Variants in TTC19 observed in about 807,000 individuals in gnomAD.
TTC19 encodes tetratricopeptide repeat domain 19, also known as tetratricopeptide repeat protein 19, mitochondrial.
TTC19 carries 38 observed loss-of-function variants against 49.5 expected under a neutral mutation model. The ratio of observed to expected loss-of-function variants is 0.77; its 90% CI spans 0.59 to 1.01. The LOEUF (loss-of-function observed/expected upper bound fraction) is 1.01. Among genes scored for constraint, TTC19 ranks in the 50% least tolerant of loss-of-function variants. The pLI, the probability that TTC19 is intolerant of heterozygous loss-of-function variation, is 0.00. For missense variants in TTC19, 475 were observed against 477.7 expected (o/e 0.99, Z 0.05); for synonymous variants, 204 against 185.2 (o/e 1.10, Z -0.83).
At chr17:16,025,309 A>G (rs945554055) in intron 8 of TTC19, 138 bp downstream of exon 8, 3 of 889,732 alleles carry the variant, frequency 3.4e-6, no homozygotes, top group Non-Finnish European at 5.3e-6. Context: ...TCATTTTCTT[A>G]TCACCAGCAC....
chr17:16,029,480 A>G, downstream of TTC19: 1 of 274,154 alleles, frequency 3.6e-6, no homozygotes, highest in East Asian at 9.3e-5. Context: ...TAAAAGCATT[A>G]TGAAATTTGC....
intron 2 of TTC19, among the ~76,000 whole-genome samples, chr17:16,036,140 T>C (rs2056315904): frequency 1.3e-5 from 2 of 152,354 alleles, no homozygotes. Flanking sequence ...CCTTGATCCA[T>C]GGGCTTCAGA....
Position 16,028,807 on chromosome 17 carries a change from T to C in TTC19, c.*1285T>C. Reference sequence around the variant, plus strand: ...CAATATTGTATGTATCCCAGTAATCTTTGCATTTCTCAAAAAAAAAAAAAA... The same window carrying C: ...CAATATTGTATGTATCCCAGTAATCCTTGCATTTCTCAAAAAAAAAAAAAA... On this transcript the variant is annotated 3_prime_UTR_variant, in exon 10 of 10. Transcript: ENST00000261647. 1 of 297,108 alleles carries C rather than the reference T, an allele frequency of 3.4e-6. No individual in the cohort carries two copies. The highest frequency in any genetic ancestry group is 2.2e-5 in the South Asian group (1 of 46,378). The allele number at this position is 297,108 out of a possible 1,614,324, so 18.4% of individuals were successfully genotyped here.
At position 16,001,990 on chromosome 17, in the gene TTC19, G is replaced by A. The variant is rs978119611; in HGVS notation, c.388G>A (p.Asp130Asn). Residue 130 changes from aspartate to asparagine, a missense_variant, in exon 3 of 10, where the codon GAT becomes AAT. Coordinates refer to ENST00000261647, the MANE Select transcript of TTC19 (RefSeq NM_017775.4). ...HDALRLAYQT[D>N]NKKAITYTYD... is the part of the protein sequence containing the mutation. ...CGCTCTTCGTCTCGCCTATCAGACT[G>A]ATAACAAGAAGGCCATCACTTACAC... The A allele has an allele frequency of 1.9e-6, 3 of 1,613,128 alleles. No individual in the cohort carries two copies. Among genetic ancestry groups the A allele is most frequent in the East Asian group, 2.2e-5 (1 of 44,886 alleles).
chr17:16,023,547 CAT>C (rs1276912773), intron 7 of TTC19: 1 of 152,212 alleles, frequency 6.6e-6, no homozygotes, highest in Non-Finnish European at 1.5e-5. Context: ...TCCTAGAAAA[CAT>C]AGCATGCCTA....
chr17:16,035,117 G>A (rs1973976950), intron 2 of TTC19, among the ~76,000 whole-genome samples: 1 of 152,190 alleles, frequency 6.6e-6, no homozygotes, highest in African/African-American at 2.4e-5. Flanking sequence ...GATACTGAGG[G>A]TTTAGTAAGT....
chr17:16,028,839 A>AAAAAAAAAC lies in TTC19; in HGVS notation c.*1324_*1325insACAAAAAAA. ...TTCTCAAAAAAAAAAAAAAAAAAAA[A>AAAAAAAAAC]AAAAAAACTTTCTGAAGAAAATAAA... On this transcript the variant is annotated 3_prime_UTR_variant, in exon 10 of 10. Transcript: ENST00000261647. The AAAAAAAAAC allele has an allele frequency of 2.6e-6, 1 of 379,474 alleles. No individual in the cohort carries two copies. The highest frequency in any genetic ancestry group is 5.1e-6 in the Non-Finnish European group (1 of 197,844). 23.5% of individuals were successfully genotyped at this position (379,474 alleles called of 1,614,324 possible).
At chr17:16,030,203 T>A (rs1971805285), downstream of TTC19, 1 of 226,500 alleles carries the variant, frequency 4.4e-6, no homozygotes, top group Admixed American at 5.8e-5. Flanking sequence ...TATTTACTAT[T>A]CATTAAGTGG....
downstream of TTC19, chr17:16,031,834 A>G (rs1972058641): frequency 4.3e-6 from 1 of 232,582 alleles, no homozygotes; most frequent in Non-Finnish European, 8.5e-6. Flanking sequence ...GAGGTTGTTT[A>G]GAAGGCTAGG....
In TTC19 at chr17:16,026,595, A is replaced by G. The variant is rs1362450194; in HGVS notation, c.887A>G (p.Asp296Gly). The change falls in exon 9 of 10, where the codon GAT becomes GGT. Residue 296 changes from aspartate to glycine, a missense_variant. Physicochemically the swap from Asp to Gly is moderately conservative, Grantham distance 94. Transcript: ENST00000261647. ...ACCCTGGATGCACAGGGCCGCTTTG[A>G]TGAGGCCTATATTTATATGCAAAGG... Reference protein sequence around the residue: ...ATTLDAQGRFDEAYIYMQRAS... With the variant: ...ATTLDAQGRFGEAYIYMQRAS... 1.1e-5 allele frequency: 18 copies of G among 1,614,146 alleles called. No individual in the cohort carries two copies. The highest frequency in any genetic ancestry group is 1.5e-5 in the Non-Finnish European group (18 of 1,179,988).
At chr17:16,003,605 A>G (rs1038339935) in intron 4 of TTC19, among the ~76,000 whole-genome samples, 3 of 151,916 alleles carry the variant, frequency 2.0e-5, no homozygotes, top group African/African-American at 4.8e-5. Context: ...GTTGTTTTCT[A>G]CTCATCAGAG....
At chr17:16,025,957 C>G (rs933548786) in intron 8 of TTC19, among the ~76,000 whole-genome samples, 1 of 152,094 alleles carries the variant, frequency 6.6e-6, no homozygotes, top group Non-Finnish European at 1.5e-5. Flanking sequence ...GTACAGAATT[C>G]AGATCTCCAA....
intron 7 of TTC19, among the ~76,000 whole-genome samples, chr17:16,021,635 GA>G (rs1394415544): frequency 6.6e-5 from 10 of 152,020 alleles, no homozygotes; most frequent in Non-Finnish European, 1.5e-4. Flanking sequence ...ATTTGTGAGG[GA>G]AAAAAATTAC....
In TTC19 at chr17:16,006,819, T is replaced by C. The variant is rs116207391; in HGVS notation, c.676+251T>C. ...TGGTCATAATTTATTTGTTAACTTT[T>C]AGTTACATATAACTTAAGGAAAATT... On this transcript the variant is annotated intron_variant, in intron 7 of 9. Transcript: ENST00000261647. Among the ~76,000 whole-genome samples the C allele has an allele frequency of 0.011, 1,618 of 152,314 alleles. 36 individuals carry two copies. The highest frequency in any genetic ancestry group is 0.037 in the African/African-American group (1,547 of 41,568).
chr17:16,041,969 C>T (rs1374125558), intron 2 of TTC19, among the ~76,000 whole-genome samples: 1 of 151,850 alleles, frequency 6.6e-6, no homozygotes, highest in Non-Finnish European at 1.5e-5. Flanking sequence ...ATCTCCTGAC[C>T]TCGATATGCC....
chr17:16,032,416 A>C (rs767577318), downstream of TTC19: 22 of 1,614,068 alleles, frequency 1.4e-5, no homozygotes, highest in Non-Finnish European at 1.9e-5. Flanking sequence ...GAGCACATGC[A>C]ATCGGTGTTG....
At chr17:16,002,286 C>T (rs918343811) in intron 3 of TTC19, among the ~76,000 whole-genome samples, 1 of 152,162 alleles carries the variant, frequency 6.6e-6, no homozygotes. Context: ...TCAGACGATT[C>T]TTTTGCCTCA....
chr17:16,023,848 A>G (rs1297504980), intron 7 of TTC19: 1 of 152,268 alleles, frequency 6.6e-6, no homozygotes, highest in Non-Finnish European at 1.5e-5. Flanking sequence ...TTAGTAACAT[A>G]GTCTTCCTTA....
At chr17:16,021,859 A>T (rs976199440) in intron 7 of TTC19, among the ~76,000 whole-genome samples, 3 of 152,216 alleles carry the variant, frequency 2.0e-5, no homozygotes, top group African/African-American at 7.2e-5. Context: ...GGTTTTAGCT[A>T]TAAGTGAGAT....
Sources: gnomAD v4.1 joint callset for allele counts (sites outside exome capture counted in the v4.1 genomes callset) on GRCh38, gnomAD v4.1.1 for gene constraint, MANE v1.5 for transcripts, NCBI Gene and HGNC (gene_info 2026-07-23, HGNC 2026-07-21) for gene names.